FAM193A: variants seen among roughly 807,000 people sequenced by gnomAD.
FAM193A encodes protein FAM193A.
Under a neutral mutation model 126.5 loss-of-function variants are expected in FAM193A, and 22 were observed. The observed-to-expected ratio is 0.17, with a 90% CI of 0.12 to 0.25. FAM193A has a LOEUF of 0.25. FAM193A is among the 10% of genes least tolerant of loss of function. The pLI is 1.00. For synonymous variants in FAM193A, 761 were observed against 646.8 expected, an observed-to-expected ratio of 1.18 and a Z score of -2.68; for missense variants, 1,675 against 1,672.8, an observed-to-expected ratio of 1.00 and a Z score of -0.02.
At chr4:2,549,184 C>T (rs866111007) in intron 1 of FAM193A, among the ~76,000 whole-genome samples, 3 of 151,676 alleles carry the variant, frequency 2.0e-5, no homozygotes, top group Admixed American at 6.6e-5. Context: ...AGTGATGGGC[C>T]CACCTCAGCC....
In FAM193A at chr4:2,725,959, C is replaced by T. The variant is rs1030678121; in HGVS notation, c.4455-5816C>T. ...TGGCGCCCAGGCTGGAGTGCAGTGG[C>T]GCGATTTCGGCTCACTGCAAGCTCC... On this transcript the variant is annotated intron_variant, in intron 20 of 20. Coordinates refer to ENST00000637812, the MANE Select transcript of FAM193A (RefSeq NM_001366318.2). Among the ~76,000 whole-genome samples the T allele has an allele frequency of 8.5e-5, 13 of 152,116 alleles. No homozygotes were observed. In the East Asian group the frequency reaches 2.1e-3, roughly 25 times the overall value.
chr4:2,691,077 C>T, intron 15 of FAM193A, 107 bp downstream of exon 15: 1 of 1,047,304 alleles, frequency 9.5e-7, no homozygotes, highest in South Asian at 1.6e-5. Context: ...TTGGCCTAGC[C>T]AGAGGCGTAA....
chr4:2,566,629 A>G (rs1738969692), intron 1 of FAM193A, among the ~76,000 whole-genome samples: 1 of 152,026 alleles, frequency 6.6e-6, no homozygotes, highest in African/African-American at 2.4e-5. Flanking sequence ...GCGAGGTTGC[A>G]GTGAGCCAAG....
At chr4:2,680,256 T>C (rs188450330) in intron 13 of FAM193A, among the ~76,000 whole-genome samples, 1 of 152,374 alleles carries the variant, frequency 6.6e-6, no homozygotes, top group East Asian at 1.9e-4. Context: ...TGATAGGTTT[T>C]GTGTTTCTAA....
At chr4:2,668,245 GCT>G (rs1337613248) in intron 12 of FAM193A, among the ~76,000 whole-genome samples, 1 of 137,476 alleles carries the variant, frequency 7.3e-6, no homozygotes, top group African/African-American at 2.8e-5. Flanking sequence ...ACAGAGTCTC[GCT>G]CTGTCACCCA....
chr4:2,707,175 T>C (rs1159021514), intron 19 of FAM193A, among the ~76,000 whole-genome samples: 2 of 152,202 alleles, frequency 1.3e-5, no homozygotes, highest in South Asian at 2.1e-4. Flanking sequence ...ATTACACTTA[T>C]ACATTAATTT....
At position 2,609,927 on chromosome 4, in the gene FAM193A, TAAAA is replaced by T. The variant is rs796205895; in HGVS notation, c.501+13608_501+13611del. ...CTAATGACAGAGCGAGACTCCGTCT[TAAAA>T]AAAAAAAAAGAGTTTGCTGGCTGGG... On this transcript the variant is annotated intron_variant, in intron 2 of 20. Transcript: ENST00000637812. Among the ~76,000 whole-genome samples, 2 of 118,644 alleles carry T rather than the reference TAAAA, an allele frequency of 1.7e-5. 1 individual carries two copies. The highest frequency in any genetic ancestry group is 1.7e-4 in the Admixed American group (2 of 11,798). The allele number at this position is 118,644 out of a possible 152,430, so 77.8% of individuals were successfully genotyped here.
chr4:2,628,388 A>G (rs1392490038), intron 4 of FAM193A, among the ~76,000 whole-genome samples: 2 of 152,170 alleles, frequency 1.3e-5, no homozygotes, highest in Non-Finnish European at 2.9e-5. Flanking sequence ...GTGGTGGCTC[A>G]CACCTGTAAT....
At chr4:2,592,131 G>A (rs750019096) in intron 1 of FAM193A, among the ~76,000 whole-genome samples, 42 of 151,706 alleles carry the variant, frequency 2.8e-4, no homozygotes, top group Non-Finnish European at 4.7e-4. Flanking sequence ...TGCTCTGTTT[G>A]CCCAGGCTGG....
chr4:2,600,170 T>C (rs1372084811), intron 2 of FAM193A, among the ~76,000 whole-genome samples: 2 of 152,184 alleles, frequency 1.3e-5, no homozygotes, highest in African/African-American at 4.8e-5. Flanking sequence ...AGTGCTGGGA[T>C]TACAGGCGTG....
rs140301198 is a variant in FAM193A, at chr4:2,689,544, G to A, written c.2370G>A (p.Lys790=). The A allele has an allele frequency of 3.2e-5, 50 of 1,547,778 alleles. No homozygotes were observed. Among genetic ancestry groups the A allele is most frequent in the South Asian group, 3.8e-5 (3 of 78,526 alleles). Residue 790 remains lysine, a synonymous_variant, in exon 14 of 21, where the codon AAG becomes AAA. Coordinates refer to ENST00000637812, the MANE Select transcript of FAM193A (RefSeq NM_001366318.2). ...PPAPVQNHTN[K]HQVFNASLQD... Reference sequence around the variant, plus strand: ...CACCTGTTCAGAATCACACAAATAAGCATCAGGTATTCAATGCATCTCTTC... The same window carrying A: ...CACCTGTTCAGAATCACACAAATAAACATCAGGTATTCAATGCATCTCTTC...
intron 12 of FAM193A, among the ~76,000 whole-genome samples, chr4:2,666,154 A>G (rs1301172295): frequency 2.0e-5 from 3 of 152,232 alleles, no homozygotes; most frequent in Non-Finnish European, 1.5e-5. Flanking sequence ...TTATTGGGTT[A>G]AGGAAATTCT....
At chr4:2,585,875 G>A (rs183370323) in intron 1 of FAM193A, among the ~76,000 whole-genome samples, 2 of 152,246 alleles carry the variant, frequency 1.3e-5, no homozygotes, top group Admixed American at 1.3e-4. Context: ...GTTGCAGTGA[G>A]CCAAGATTGT....
At chr4:2,699,328 TG>T (rs1277208868) in intron 18 of FAM193A, among the ~76,000 whole-genome samples, 4 of 152,104 alleles carry the variant, frequency 2.6e-5, no homozygotes, top group Non-Finnish European at 5.9e-5. Context: ...CTGCCGCACC[TG>T]TGAGGGGGTA....
chr4:2,602,134 C>G (rs1015637087), intron 2 of FAM193A, among the ~76,000 whole-genome samples: 1 of 151,914 alleles, frequency 6.6e-6, no homozygotes, highest in African/African-American at 2.4e-5. Context: ...CCACTGCACC[C>G]AGGCAATTAT....
rs34641526 is a variant in FAM193A at position 2,618,591 on chromosome 4, CT to C, written c.502-6650del. Among the ~76,000 whole-genome samples the C allele has an allele frequency of 3.0e-3, 238 of 79,840 alleles. 1 individual carries two copies. The highest frequency in any genetic ancestry group is 0.011 in the African/African-American group (202 of 19,156). The allele number at this position is 79,840 out of a possible 152,430, so 52.4% of individuals were successfully genotyped here. On this transcript the variant is annotated intron_variant, in intron 2 of 20. Coordinates refer to ENST00000637812, the MANE Select transcript of FAM193A (RefSeq NM_001366318.2). ...TATAGGTGCCCGCCACCATGCCCGG[CT>C]TTTTTTTTTTTTTTTTTTTTGAGAC... is the stretch of plus-strand genomic sequence containing the variant.
Position 2,672,316 on chromosome 4 carries a change from C to T in FAM193A, c.2275C>T (p.Pro759Ser), listed in dbSNP as rs764302543. ...HVPLHTVPHL[P>S]RPLIHPTLYA... ...GCCTTTGCACACTGTTCCACACCTG[C>T]CACGCCCTCTCATCCACCCCACCTT... Residue 759 changes from proline to serine, a missense_variant, in exon 13 of 21, where the codon CCA (proline) becomes TCA (serine). Physicochemically the swap from Pro to Ser is moderately conservative, Grantham distance 74. Coordinates refer to ENST00000637812, the MANE Select transcript of FAM193A (RefSeq NM_001366318.2). 19 of 1,614,188 alleles carry T rather than the reference C, an allele frequency of 1.2e-5. No individual in the cohort carries two copies. In the Admixed American group the frequency reaches 3.0e-4, roughly 25 times the overall value.
At chr4:2,639,920 T>C (rs1167088787) in intron 6 of FAM193A, 61 bp downstream of exon 6, 5 of 1,531,912 alleles carry the variant, frequency 3.3e-6, no homozygotes, top group African/African-American at 2.8e-5. Context: ...TTCTCCTGAC[T>C]GGTGTGCGTG....
intron 1 of FAM193A, among the ~76,000 whole-genome samples, chr4:2,566,051 C>CTTT (rs564664549): frequency 7.0e-6 from 1 of 142,676 alleles, no homozygotes; most frequent in African/African-American, 2.6e-5. Context: ...TGGAAAATTG[C>CTTT]TTTTTTTTTT....
Sources: allele counts gnomAD v4.1 joint callset (sites outside exome capture counted in the v4.1 genomes callset), GRCh38; gene constraint gnomAD v4.1.1; transcripts MANE v1.5; gene names NCBI Gene and HGNC (gene_info 2026-07-23, HGNC 2026-07-21).